NRXN1: variants seen among roughly 807,000 people sequenced by gnomAD.
NRXN1 encodes neurexin 1, also known as neurexin-1.
A neutral mutation model predicts 150.9 loss-of-function variants in NRXN1; 39 were observed. That is an observed-to-expected ratio of 0.26 (90% CI 0.20 to 0.34). The LOEUF is 0.34. Among genes scored for constraint, NRXN1 ranks in the 10% least tolerant of loss-of-function variants. NRXN1 has a pLI of 1.00. For missense variants in NRXN1, 1,815 were observed against 1,949.9 expected, an observed-to-expected ratio of 0.93 and a Z score of 1.30; for synonymous variants, 924 against 757.0, an observed-to-expected ratio of 1.22 and a Z score of -3.62.
At chr2:50,016,601 C>G (rs1332213345) in intron 21 of NRXN1, 5 of 152,046 alleles carry the variant, frequency 3.3e-5, no homozygotes, top group African/African-American at 1.2e-4. Flanking sequence ...AATTAGTGCC[C>G]GCAGGGGAAA....
chr2:50,666,883 G>GTA (rs1347318305), intron 5 of NRXN1, among the ~76,000 whole-genome samples: 1 of 150,476 alleles, frequency 6.6e-6, no homozygotes, highest in African/African-American at 2.4e-5. Flanking sequence ...ATGATGATGT[G>GTA]TGTGTGTGTG....
chr2:50,608,396 C>A (rs1480434859), intron 8 of NRXN1, among the ~76,000 whole-genome samples: 1 of 152,080 alleles, frequency 6.6e-6, no homozygotes, highest in Non-Finnish European at 1.5e-5. Flanking sequence ...GTCTTTTCAT[C>A]TTTAACAAGC....
intron 17 of NRXN1, among the ~76,000 whole-genome samples, chr2:50,445,403 C>T (rs1272429274): frequency 6.6e-6 from 1 of 152,160 alleles, no homozygotes; most frequent in African/African-American, 2.4e-5. Context: ...ACTCTTGGAT[C>T]ACAAAGGGAA....
chr2:50,227,786 GA>G (rs1169829496), intron 18 of NRXN1, among the ~76,000 whole-genome samples: 5 of 152,008 alleles, frequency 3.3e-5, no homozygotes, highest in Non-Finnish European at 7.4e-5. Flanking sequence ...AAAGCAAGCA[GA>G]TACCTTCTAA....
intron 22 of NRXN1, among the ~76,000 whole-genome samples, chr2:49,923,573 GCTA>G (rs1449329302): frequency 6.6e-6 from 1 of 152,038 alleles, no homozygotes; most frequent in Non-Finnish European, 1.5e-5. Context: ...CTTTTATTTC[GCTA>G]CTACTAAACA....
rs905612115 is a variant in NRXN1, at chr2:50,856,453, G to GT, written c.832+65415dup. ...AACAGATTTCCCTTTCAACTTACTT[G>GT]TTTTTTTCATTTAGTGTATTCTATC... On this transcript the variant is annotated intron_variant, in intron 5 of 22. Transcript: ENST00000401669. Among the ~76,000 whole-genome samples the GT allele has an allele frequency of 3.3e-5, 5 of 151,852 alleles. No homozygotes were observed. In the South Asian group the frequency reaches 1.0e-3, roughly 31 times the overall value.
intron 18 of NRXN1, among the ~76,000 whole-genome samples, chr2:50,140,810 A>G (rs1191423273): frequency 2.6e-5 from 4 of 152,050 alleles, no homozygotes; most frequent in African/African-American, 4.8e-5. Flanking sequence ...GAAGGCTCTG[A>G]CTGAAGGACA....
chr2:50,328,458 T>G (rs1311527605), intron 17 of NRXN1, among the ~76,000 whole-genome samples: 1 of 152,002 alleles, frequency 6.6e-6, no homozygotes, highest in African/African-American at 2.4e-5. Flanking sequence ...AAACTTCGGT[T>G]GGGTGTGGTG....
chr2:50,755,808 A>C (rs1216176697), intron 5 of NRXN1, among the ~76,000 whole-genome samples: 1 of 151,888 alleles, frequency 6.6e-6, no homozygotes, highest in African/African-American at 2.4e-5. Flanking sequence ...TGTAGGCCAA[A>C]TCATTCTCTG....
chr2:50,188,061 C>A (rs1326466751), intron 18 of NRXN1, among the ~76,000 whole-genome samples: 2 of 152,150 alleles, frequency 1.3e-5, no homozygotes, highest in African/African-American at 2.4e-5. Context: ...TATTTGAATA[C>A]CCTATGTTTC....
chr2:50,576,921 C>T (rs1671524265), intron 8 of NRXN1, among the ~76,000 whole-genome samples: 1 of 152,056 alleles, frequency 6.6e-6, no homozygotes, highest in Non-Finnish European at 1.5e-5. Context: ...TTAGTAAATA[C>T]TGCACCTCTA....
At chr2:50,820,131 G>C (rs1559309090) in intron 5 of NRXN1, among the ~76,000 whole-genome samples, 1 of 151,616 alleles carries the variant, frequency 6.6e-6, no homozygotes, top group African/African-American at 2.4e-5. Context: ...ATGGGGATAT[G>C]AAAAAAAACA....
rs71404969 is a variant in NRXN1, at chr2:50,610,642, CATATATATATATATATATATATAT to C, written c.1320+9356_1320+9379del. Among the ~76,000 whole-genome samples the C allele has an allele frequency of 2.6e-4, 11 of 42,876 alleles. 1 individual carries two copies. The highest frequency in any genetic ancestry group is 1.0e-3 in the South Asian group (1 of 996). 28.1% of individuals were successfully genotyped at this position (42,876 alleles called of 152,430 possible). ...GCCTGGCACATACTATAAATAGATA[CATATATATATATATATATATATAT>C]ATATATATATATCTGTACAAAACAG... On this transcript the variant is annotated intron_variant, in intron 8 of 22. Coordinates refer to ENST00000401669, the MANE Select transcript of NRXN1 (RefSeq NM_001330078.2).
chr2:50,515,866 C>A (rs560369797), intron 12 of NRXN1, among the ~76,000 whole-genome samples: 18 of 152,106 alleles, frequency 1.2e-4, no homozygotes, highest in African/African-American at 4.3e-4. Flanking sequence ...TTGCTGGCAG[C>A]AGTACTTCCT....
At chr2:50,612,470 A>G (rs1678338137) in intron 8 of NRXN1, among the ~76,000 whole-genome samples, 1 of 152,154 alleles carries the variant, frequency 6.6e-6, no homozygotes, top group African/African-American at 2.4e-5. Context: ...TTGTTTTTGC[A>G]AAGTTGTTGT....
intron 2 of NRXN1, among the ~76,000 whole-genome samples, chr2:50,962,788 TTCG>T (rs1693420758): frequency 6.6e-6 from 1 of 151,686 alleles, no homozygotes; most frequent in African/African-American, 2.4e-5. Context: ...CAATTAAATT[TTCG>T]CTCCCAAATG....
intron 15 of NRXN1, among the ~76,000 whole-genome samples, chr2:50,481,789 G>A (rs1175528720): frequency 7.0e-5 from 3 of 43,126 alleles, no homozygotes; most frequent in Non-Finnish European, 1.2e-4. Flanking sequence ...TTTTTGAGAC[G>A]GAGTCTCGCT....
intron 17 of NRXN1, among the ~76,000 whole-genome samples, chr2:50,328,454 CG>C (rs2076529875): frequency 2.0e-5 from 3 of 151,960 alleles, no homozygotes; most frequent in Admixed American, 2.0e-4. Context: ...TTGGAAACTT[CG>C]GTTGGGTGTG....
chr2:50,465,491 G>A lies in NRXN1; in HGVS notation c.3315C>T (p.Phe1105=). ...AGGAAGTCATACTACAGTCACAGCT[G>A]AAGCCATCCCATTGTTGCAAGCACA... ...QGVCLQQWDG[F]SCDCSMTSFS... is the part of the protein sequence containing the mutation. Residue 1105 remains phenylalanine, a synonymous_variant, in exon 17 of 23, where the codon TTC becomes TTT. Coordinates refer to ENST00000401669, the MANE Select transcript of NRXN1 (RefSeq NM_001330078.2). 2.5e-6 allele frequency: 4 copies of A among 1,610,944 alleles called. No individual in the cohort carries two copies. The highest frequency in any genetic ancestry group is 3.4e-6 in the Non-Finnish European group (4 of 1,178,142).
Sources: allele counts gnomAD v4.1 joint callset (sites outside exome capture counted in the v4.1 genomes callset), GRCh38; gene constraint gnomAD v4.1.1; transcripts MANE v1.5; gene names NCBI Gene and HGNC (gene_info 2026-07-23, HGNC 2026-07-21).